Variants in ASB2 observed in about 807,000 individuals in gnomAD.
ASB2 encodes ankyrin repeat and SOCS box containing 2.
ASB2 carries 58 observed loss-of-function variants against 62.4 expected under a neutral mutation model. The ratio of observed to expected loss-of-function variants is 0.93; its 90% CI spans 0.75 to 1.16. The LOEUF (loss-of-function observed/expected upper bound fraction) is 1.16, where lower values mean the gene tolerates loss of function less well. Among genes scored for constraint, ASB2 ranks in the 50% most tolerant of loss-of-function variants. The pLI is 0.00. For synonymous variants in ASB2, 386 were observed against 385.3 expected (o/e 1.00, Z -0.02); for missense variants, 928 against 887.9 (o/e 1.05, Z -0.57).
rs571314506 is a variant in ASB2, at chr14:93,971,138, G to A, written c.-74+5296C>T. ...CCATTTAACAAGATTGAGAGTGAAAGTGAAAATGAGCCCCAAGCCCAGCCT... is the reference window on the plus strand; with the variant it reads ...CCATTTAACAAGATTGAGAGTGAAAATGAAAATGAGCCCCAAGCCCAGCCT... On this transcript the variant is annotated intron_variant, in intron 1 of 9. Coordinates refer to ENST00000555019, the MANE Select transcript of ASB2 (RefSeq NM_001202429.2). Among the ~76,000 whole-genome samples, 7 of 152,342 alleles carry A rather than the reference G, an allele frequency of 4.6e-5. No individual in the cohort carries two copies. In the East Asian group the frequency reaches 1.4e-3, roughly 29 times the overall value.
rs748570847 is a variant in ASB2, at chr14:93,937,770, C to T, written c.1699G>A (p.Val567Met). Residue 567 changes from valine (V) to methionine (M), a missense_variant, in exon 9 of 10, where the codon GTG becomes ATG. Val to Met is a conservative substitution (Grantham distance 21). Coordinates refer to ENST00000555019, the MANE Select transcript of ASB2 (RefSeq NM_001202429.2). ...IDVLLDYVGN[V>M]QLCSRLKEHI... ...TCCTTCAGCCGCGAGCAGAGCTGCACGTTGCCCACGTAGTCCAGGAGGACA... is the reference window on the plus strand; with the variant it reads ...TCCTTCAGCCGCGAGCAGAGCTGCATGTTGCCCACGTAGTCCAGGAGGACA... 1.2e-5 allele frequency: 20 copies of T among 1,613,358 alleles called. No homozygotes were observed. The highest frequency in any genetic ancestry group is 6.7e-5 in the East Asian group (3 of 44,880).
chr14:93,959,397 G>A (rs1361174368), intron 2 of ASB2, among the ~76,000 whole-genome samples: 2 of 152,156 alleles, frequency 1.3e-5, no homozygotes, highest in South Asian at 2.1e-4. Flanking sequence ...TGGGCAAGGC[G>A]ACCGCTCAGA....
intron 1 of ASB2, among the ~76,000 whole-genome samples, chr14:93,973,687 G>T (rs1234892540): frequency 3.3e-5 from 5 of 152,200 alleles, no homozygotes; most frequent in Non-Finnish European, 7.3e-5. Context: ...TCCTGGCCCT[G>T]CCAGAGGCTG....
At chr14:93,938,909 C>T (rs1888382225) in intron 8 of ASB2, among the ~76,000 whole-genome samples, 199 bp downstream of exon 8, 1 of 152,256 alleles carries the variant, frequency 6.6e-6, no homozygotes, top group South Asian at 2.1e-4. Context: ...CGCTAACCCA[C>T]GCTACCCAGG....
intron 2 of ASB2, among the ~76,000 whole-genome samples, chr14:93,959,532 A>G (rs1889337168): frequency 6.6e-6 from 1 of 152,216 alleles, no homozygotes; most frequent in Admixed American, 6.5e-5. Context: ...AATTCCCAAC[A>G]GAGCAAACCT....
intron 2 of ASB2, among the ~76,000 whole-genome samples, chr14:93,961,506 G>C (rs941488): frequency 0.26 from 39,230 of 151,944 alleles, 7,408 homozygotes; most frequent in East Asian, 0.52. Context: ...AAGTCAAGGT[G>C]AAGGCCACAG....
chr14:93,952,732 G>A (rs1229374732), intron 5 of ASB2, among the ~76,000 whole-genome samples: 1 of 152,218 alleles, frequency 6.6e-6, no homozygotes, highest in African/African-American at 2.4e-5. Context: ...CCTACTTCAT[G>A]TGCAGATGGA....
Position 93,951,165 on chromosome 14 carries a change from GC to G in ASB2, c.713del (p.Gly238AlafsTer21). On this transcript the variant is annotated frameshift_variant, in exon 6 of 10. Coordinates refer to ENST00000555019, the MANE Select transcript of ASB2 (RefSeq NM_001202429.2). LOFTEE classifies it high-confidence loss of function. ...NADTNHRCNR[G>X]WTALHESVSR... ...ACACAGACTCGTGCAGAGCGGTCCA[GC>G]CGCGGTTGCAGCGGTGGTTGGTGTC... 1 of 1,614,008 alleles carries G rather than the reference GC, an allele frequency of 6.2e-7. No homozygotes were observed. Among genetic ancestry groups the G allele is most frequent in the Non-Finnish European group, 8.5e-7 (1 of 1,179,966 alleles).
intron 1 of ASB2, among the ~76,000 whole-genome samples, chr14:93,973,716 G>T (rs1373198919): frequency 6.6e-6 from 1 of 152,198 alleles, no homozygotes; most frequent in Non-Finnish European, 1.5e-5. Context: ...CCGCATCTGT[G>T]TGGCTCAGAC....
rs980841301 is a variant in ASB2 at position 93,974,926 on chromosome 14, A to T, written c.-74+1508T>A. On this transcript the variant is annotated intron_variant, in intron 1 of 9. Transcript: ENST00000555019. ...AGTGTCCCCCACCCCCGCCACCACA[A>T]GGCACTCATGACCCGGCCTGTTTGT... Among the ~76,000 whole-genome samples the T allele has an allele frequency of 1.8e-4, 28 of 152,302 alleles. No individual in the cohort carries two copies. In the South Asian group the frequency reaches 1.9e-3, roughly 10 times the overall value.
At chr14:93,952,935 A>G (rs1225452958) in intron 5 of ASB2, among the ~76,000 whole-genome samples, 1 of 152,220 alleles carries the variant, frequency 6.6e-6, no homozygotes, top group Non-Finnish European at 1.5e-5. Flanking sequence ...GCTCTCGCAT[A>G]CCTTCATGCC....
At chr14:93,946,663 C>G (rs1567022489) in intron 7 of ASB2, among the ~76,000 whole-genome samples, 1 of 152,356 alleles carries the variant, frequency 6.6e-6, no homozygotes, top group East Asian at 1.9e-4. Flanking sequence ...TCGGCATGCT[C>G]TTTCATGATG....
rs1268661231 is a variant in ASB2 at position 93,939,606 on chromosome 14, C to T, written c.1119G>A (p.Leu373=). The T allele has an allele frequency of 5.1e-6, 8 of 1,561,794 alleles. No individual in the cohort carries two copies. The highest frequency in any genetic ancestry group is 1.2e-5 in the South Asian group (1 of 86,642). Residue 373 remains leucine (L), a synonymous_variant, in exon 8 of 10, where the codon CTG becomes CTA. Transcript: ENST00000555019. ...CGTGGTTGCGCTCGGCCGCCAGGTG[C>T]AGCGGACTGACGCCGCTACGGCGTA... The part of the protein sequence containing the change: ...TRIRRSGVSP[L]HLAAERNHDE...
chr14:93,971,724 G>A (rs1031449481), intron 1 of ASB2, among the ~76,000 whole-genome samples: 1 of 151,964 alleles, frequency 6.6e-6, no homozygotes, highest in African/African-American at 2.4e-5. Flanking sequence ...ATCTATAAGC[G>A]TATTATAGTT....
chr14:93,973,915 T>C (rs1403455086), intron 1 of ASB2: 3 of 152,334 alleles, frequency 2.0e-5, no homozygotes, highest in Non-Finnish European at 4.4e-5. Context: ...CCCTGTTCTG[T>C]CCTTTGGGCA....
intron 1 of ASB2, among the ~76,000 whole-genome samples, chr14:93,971,048 C>T (rs528147461): frequency 3.5e-4 from 53 of 152,324 alleles, no homozygotes; most frequent in African/African-American, 1.2e-3. Flanking sequence ...ACCTGAAACT[C>T]GTGCCCAGCT....
At chr14:93,940,892 G>A (rs1049128262) in intron 7 of ASB2, among the ~76,000 whole-genome samples, 1 of 152,194 alleles carries the variant, frequency 6.6e-6, no homozygotes, top group African/African-American at 2.4e-5. Flanking sequence ...AGTAAGTGAT[G>A]GAGCCAGGAT....
At chr14:93,953,596 G>T in intron 4 of ASB2, 89 bp from the exon 5 acceptor site, 1 of 1,164,858 alleles carries the variant, frequency 8.6e-7, no homozygotes, top group Non-Finnish European at 1.2e-6. Flanking sequence ...CCAATTTCAA[G>T]AACAATGTAT....
chr14:93,938,303 G>C (rs1313231288), intron 8 of ASB2, among the ~76,000 whole-genome samples: 20 of 137,876 alleles, frequency 1.5e-4, no homozygotes, highest in Non-Finnish European at 1.5e-5. Context: ...GCAGTGGCGC[G>C]ATCTCGGCTC....
Sources: allele counts gnomAD v4.1 joint callset (sites outside exome capture counted in the v4.1 genomes callset), GRCh38; gene constraint gnomAD v4.1.1; transcripts MANE v1.5; gene names NCBI Gene and HGNC (gene_info 2026-07-23, HGNC 2026-07-21).